SHISAL1: variants seen among roughly 807,000 people sequenced by gnomAD.
SHISAL1 encodes protein shisa-like-1.
Under a neutral mutation model 22.6 loss-of-function variants are expected in SHISAL1, and 9 were observed. That is an observed-to-expected ratio of 0.40 (90% CI 0.24 to 0.70). SHISAL1 has a LOEUF of 0.70. SHISAL1 is among the 30% of genes least tolerant of loss of function. The pLI, the probability that SHISAL1 is intolerant of heterozygous loss-of-function variation, is 0.39. For synonymous variants in SHISAL1, 119 were observed against 115.4 expected (o/e 1.03, Z -0.20); for missense variants, 246 against 270.6 (o/e 0.91, Z 0.64).
intron 4 of SHISAL1, 75 bp from the exon 5 acceptor site, chr22:44,249,760 C>G: frequency 1.3e-6 from 1 of 771,004 alleles, no homozygotes; most frequent in Non-Finnish European, 2.4e-6. Context: ...GCCTCAGTGC[C>G]GGAAGAAGCC....
At chr22:44,306,368 T>A (rs1180814157) in intron 1 of SHISAL1, among the ~76,000 whole-genome samples, 3 of 136,736 alleles carry the variant, frequency 2.2e-5, no homozygotes, top group Non-Finnish European at 4.7e-5. Context: ...GACGATGGCG[T>A]GTGCGGAGGG....
chr22:44,263,156 C>T (rs1252748041), intron 4 of SHISAL1, among the ~76,000 whole-genome samples: 13 of 147,410 alleles, frequency 8.8e-5, no homozygotes, highest in East Asian at 2.0e-4. Context: ...CTGCAACCTC[C>T]GCCACCCGGG....
At position 44,296,960 on chromosome 22, in the gene SHISAL1, G is replaced by A. The variant is rs536600067; in HGVS notation, c.68-75C>T. ...GTGCCAAGAGGCAGGGGGACTGGCC[G>A]GCCTCTTCTCAGGTCCTGCCTGCTT... On this transcript the variant is annotated intron_variant, in intron 2 of 4. Coordinates refer to ENST00000381176, the MANE Select transcript of SHISAL1 (RefSeq NM_001099294.2). The A allele has an allele frequency of 2.2e-4, 257 of 1,192,538 alleles. 2 individuals carry two copies. In the African/African-American group the frequency reaches 3.1e-3, roughly 14 times the overall value. 73.9% of individuals were successfully genotyped at this position (1,192,538 alleles called of 1,614,324 possible).
intron 3 of SHISAL1, among the ~76,000 whole-genome samples, chr22:44,288,514 G>A (rs577662823): frequency 3.9e-5 from 6 of 152,276 alleles, no homozygotes; most frequent in South Asian, 2.1e-4. Context: ...GGTGGCGGGC[G>A]CCTGTAATCC....
At position 44,245,304 on chromosome 22, in the gene SHISAL1, C is replaced by T. The variant is rs1254990638; in HGVS notation, c.*4381G>A. ...CCCAATAACTCCATCCAGGTCTGTT[C>T]TTCCTTCCTTCCTTCTTACCTACCT... is the stretch of plus-strand genomic sequence containing the variant. On this transcript the variant is annotated 3_prime_UTR_variant, in exon 5 of 5. Coordinates refer to ENST00000381176, the MANE Select transcript of SHISAL1 (RefSeq NM_001099294.2). The T allele has an allele frequency of 6.6e-6, 1 of 152,036 alleles. No individual in the cohort carries two copies. Among genetic ancestry groups the T allele is most frequent in the African/African-American group, 2.4e-5 (1 of 41,366 alleles). The allele number at this position is 152,036 out of a possible 1,614,324, so 9.4% of individuals were successfully genotyped here.
chr22:44,274,735 G>A (rs2055228008), intron 4 of SHISAL1, among the ~76,000 whole-genome samples: 1 of 152,134 alleles, frequency 6.6e-6, no homozygotes, highest in African/African-American at 2.4e-5. Flanking sequence ...ACAAAAGCAG[G>A]TGTGCATTAG....
chr22:44,323,962 G>A, the SHISAL1 span, among the ~76,000 whole-genome samples: 1 of 152,208 alleles, frequency 6.6e-6, no homozygotes, highest in Non-Finnish European at 1.5e-5. Context: ...TGAAGAGGTG[G>A]ATATCATCCC....
chr22:44,281,152 C>A (rs184685634), intron 4 of SHISAL1, among the ~76,000 whole-genome samples: 1 of 152,110 alleles, frequency 6.6e-6, no homozygotes, highest in South Asian at 2.1e-4. Flanking sequence ...GACCAGGGCC[C>A]GCCACCTGAG....
At chr22:44,306,553 GGAGGGGAA>G (rs2055476382) in intron 1 of SHISAL1, among the ~76,000 whole-genome samples, 2 of 30,608 alleles carry the variant, frequency 6.5e-5, no homozygotes, top group Admixed American at 1.0e-3. Flanking sequence ...TGGCATGTGT[GGAGGGGAA>G]CTGAGCTCGG....
At chr22:44,299,063 C>T (rs1024003343) in intron 2 of SHISAL1, among the ~76,000 whole-genome samples, 1 of 152,178 alleles carries the variant, frequency 6.6e-6, no homozygotes, top group African/African-American at 2.4e-5. Context: ...CTCCCAGGAG[C>T]GTTTTGTAAA....
chr22:44,314,784 C>T (rs1044069215), upstream of SHISAL1, among the ~76,000 whole-genome samples: 9 of 152,042 alleles, frequency 5.9e-5, no homozygotes, highest in African/African-American at 7.3e-5. Flanking sequence ...GCCCTGGAGA[C>T]GGCCCAGTGG....
the SHISAL1 span, among the ~76,000 whole-genome samples, chr22:44,321,886 G>C: frequency 2.6e-5 from 4 of 152,084 alleles, no homozygotes; most frequent in Non-Finnish European, 5.9e-5. Context: ...CACTCTGCAT[G>C]GTCCCTCCTG....
chr22:44,274,475 T>C (rs1569214181), intron 4 of SHISAL1, among the ~76,000 whole-genome samples: 1 of 152,070 alleles, frequency 6.6e-6, no homozygotes, highest in Non-Finnish European at 1.5e-5. Context: ...TTCACAAAGG[T>C]GTCTGCTGTT....
chr22:44,298,074 C>G (rs1224337199), intron 2 of SHISAL1, among the ~76,000 whole-genome samples: 1 of 152,222 alleles, frequency 6.6e-6, no homozygotes, highest in African/African-American at 2.4e-5. Flanking sequence ...CACACCCCTT[C>G]CCCCACAGAC....
chr22:44,266,854 G>A (rs555139087), intron 4 of SHISAL1, among the ~76,000 whole-genome samples: 2 of 152,102 alleles, frequency 1.3e-5, no homozygotes, highest in Non-Finnish European at 2.9e-5. Flanking sequence ...GCTTGAGGGC[G>A]ATGAGAATTA....
intron 4 of SHISAL1, among the ~76,000 whole-genome samples, chr22:44,277,138 C>A (rs561515749): frequency 2.0e-5 from 3 of 152,310 alleles, no homozygotes; most frequent in African/African-American, 7.2e-5. Context: ...TCTGGTGGAC[C>A]GTGAATGCTG....
the SHISAL1 span, among the ~76,000 whole-genome samples, chr22:44,324,743 G>A: frequency 6.6e-6 from 1 of 152,178 alleles, no homozygotes; most frequent in Admixed American, 6.5e-5. Flanking sequence ...CTGCTCTTGG[G>A]GAAGGAGGCA....
the SHISAL1 span, among the ~76,000 whole-genome samples, chr22:44,322,443 G>C: frequency 6.6e-6 from 1 of 152,192 alleles, no homozygotes; most frequent in Non-Finnish European, 1.5e-5. Flanking sequence ...AGAGTGCCCA[G>C]GCTGATGTTT....
At chr22:44,309,301 T>C (rs1279998379) in intron 1 of SHISAL1, among the ~76,000 whole-genome samples, 2 of 152,192 alleles carry the variant, frequency 1.3e-5, no homozygotes, top group African/African-American at 4.8e-5. Flanking sequence ...AGTAATTCTA[T>C]GTGGGCACGA....
Sources: allele counts gnomAD v4.1 joint callset (sites outside exome capture counted in the v4.1 genomes callset), GRCh38; gene constraint gnomAD v4.1.1; transcripts MANE v1.5; gene names NCBI Gene and HGNC (gene_info 2026-07-23, HGNC 2026-07-21).